NPTX2: variants seen among roughly 807,000 people sequenced by gnomAD.
The protein encoded by NPTX2 is neuronal pentraxin-2.
In NPTX2, 23 loss-of-function variants were observed where a neutral mutation model predicts 38.1. The observed-to-expected ratio is 0.60, with a 90% CI of 0.43 to 0.85. The LOEUF (loss-of-function observed/expected upper bound fraction) is 0.85, where lower values mean the gene tolerates loss of function less well. Ranked by LOEUF, NPTX2 falls within the 40% of genes least tolerant of loss-of-function variation. The pLI, the probability that NPTX2 is intolerant of heterozygous loss-of-function variation, is 0.00. For missense variants in NPTX2, 553 were observed against 615.3 expected (o/e 0.90, Z 1.07); for synonymous variants, 291 against 287.3 (o/e 1.01, Z -0.13).
intron 4 of NPTX2, among the ~76,000 whole-genome samples, 165 bp from the exon 5 acceptor site, chr7:98,628,237 C>T (rs895279008): frequency 1.3e-5 from 2 of 152,158 alleles, no homozygotes. Context: ...AGCGATGCCA[C>T]CTCCCAGTTC....
intron 3 of NPTX2, among the ~76,000 whole-genome samples, chr7:98,626,204 C>A (rs1791347280): frequency 6.6e-6 from 1 of 151,518 alleles, no homozygotes; most frequent in Admixed American, 6.6e-5. Flanking sequence ...CTCTCACAGC[C>A]CTGCTTCCAA....
intron 2 of NPTX2, chr7:98,620,263 C>A: frequency 4.6e-6 from 1 of 216,222 alleles, no homozygotes; most frequent in Non-Finnish European, 9.5e-6. Flanking sequence ...CACTGGGTGG[C>A]TTGGGTTTGA....
chr7:98,629,626 T>G lies in NPTX2; in HGVS notation c.*997T>G, dbSNP rs570646483. ...AAAACAGAGATCATTTGGCTAGAGA[T>G]TGTCTGAGTGACTCCAAGCTACTCA... is the stretch of plus-strand genomic sequence containing the variant. On this transcript the variant is annotated 3_prime_UTR_variant, in exon 5 of 5. Transcript: ENST00000265634. 7.2e-5 allele frequency: 11 copies of G among 152,734 alleles called. No individual in the cohort carries two copies. The East Asian group carries it at 2.1e-3, about 29-fold the overall frequency. 9.5% of individuals were successfully genotyped at this position (152,734 alleles called of 1,614,324 possible). A position where few individuals can be genotyped will look rare whatever the true frequency, so the allele number is the denominator to read the frequency against.
In NPTX2 at chr7:98,628,399, C is replaced by T. The variant is rs750281353; in HGVS notation, c.1069-3C>T. The T allele has an allele frequency of 1.3e-6, 2 of 1,542,838 alleles. No homozygotes were observed. The highest frequency in any genetic ancestry group is 1.8e-6 in the Non-Finnish European group (2 of 1,120,078). The stretch of plus-strand genomic sequence containing the variant: ...ACGCAGCTCTCTTGTTCCCATTCCC[C>T]AGGACACCGTGGGGGGTAGGTTTGA... On this transcript the variant is annotated splice_region_variant and splice_polypyrimidine_tract_variant and intron_variant, in intron 4 of 4. Transcript: ENST00000265634.
chr7:98,628,333 G>C (rs1004925744), intron 4 of NPTX2, 69 bp from the exon 5 acceptor site: 8 of 719,440 alleles, frequency 1.1e-5, no homozygotes, highest in East Asian at 5.4e-5. Flanking sequence ...CAAATCTCCT[G>C]TCTGCAGCCC....
chr7:98,624,269 T>G (rs1791310454), intron 2 of NPTX2, among the ~76,000 whole-genome samples: 1 of 152,182 alleles, frequency 6.6e-6, no homozygotes, highest in African/African-American at 2.4e-5. Context: ...TTTTTTAAAT[T>G]TTTTGTAGAG....
In NPTX2 at chr7:98,619,736, C is replaced by T. The variant is rs1351518964; in HGVS notation, c.520C>T (p.Leu174=). 6.2e-7 allele frequency: 1 copy of T among 1,613,306 alleles called. No homozygotes were observed. The highest frequency in any genetic ancestry group is 8.5e-7 in the Non-Finnish European group (1 of 1,180,028). The part of the protein sequence containing the change: ...QRLGELERQL[L]RKVAELEDEK... ...GCTGGGGGAGCTGGAGAGGCAGCTTCTGCGCAAGGTGGCAGAGCTGGAGGA... is the reference window on the plus strand; with the variant it reads ...GCTGGGGGAGCTGGAGAGGCAGCTTTTGCGCAAGGTGGCAGAGCTGGAGGA... The change falls in exon 2 of 5, where the codon CTG becomes TTG. Residue 174 remains leucine (L), a synonymous_variant. Transcript: ENST00000265634.
At chr7:98,628,103 C>G (rs577272819) in intron 4 of NPTX2, among the ~76,000 whole-genome samples, 57 of 152,226 alleles carry the variant, frequency 3.7e-4, no homozygotes, top group African/African-American at 1.3e-3. Flanking sequence ...TCAATTTCCC[C>G]TGCTACATCT....
chr7:98,627,182 GT>G lies in NPTX2; in HGVS notation c.909del (p.Phe303LeufsTer48). 1 of 1,613,620 alleles carries G rather than the reference GT, an allele frequency of 6.2e-7. No homozygotes were observed. Among genetic ancestry groups the G allele is most frequent in the Non-Finnish European group, 8.5e-7 (1 of 1,179,660 alleles). ...INDKVAQLPL[F>X]VSDGKWHHIC... ...GCTCACAGGTTGCGCAGCTGCCCCT[GT>G]TTGTCAGTGACGGCAAGTGGCACCA... On this transcript the variant is annotated frameshift_variant, in exon 4 of 5. Coordinates refer to ENST00000265634, the MANE Select transcript of NPTX2 (RefSeq NM_002523.3). LOFTEE classifies it high-confidence loss of function.
chr7:98,627,511 CCA>C lies in NPTX2; in HGVS notation c.1068+170_1068+171del, dbSNP rs1791372507. ...CCAGCTGTTGGCCCCTCAGACCTGG[CCA>C]CAGTGTCCTGACAGCCAGGTCGGGG... is the stretch of plus-strand genomic sequence containing the variant. On this transcript the variant is annotated intron_variant, in intron 4 of 4. Coordinates refer to ENST00000265634, the MANE Select transcript of NPTX2 (RefSeq NM_002523.3). 2.6e-5 allele frequency among the ~76,000 whole-genome samples: 4 copies of C among 152,354 alleles called. No homozygotes were observed. The South Asian group carries it at 8.3e-4, about 32-fold the overall frequency.
Position 98,628,597 on chromosome 7 carries a change from G to C in NPTX2, c.1264G>C (p.Glu422Gln), listed in dbSNP as rs1367795676. 1 of 1,586,862 alleles carries C rather than the reference G, an allele frequency of 6.3e-7. No homozygotes were observed. Among genetic ancestry groups the C allele is most frequent in the Admixed American group, 1.7e-5 (1 of 58,564 alleles). The change falls in exon 5 of 5, where the codon GAG becomes CAG. Residue 422 changes from glutamate to glutamine, a missense_variant. Coordinates refer to ENST00000265634, the MANE Select transcript of NPTX2 (RefSeq NM_002523.3). ...CGGAGGGGCCTCCAAGTGGCCCGTG[G>C]AGACGTGTGAGGAGCGTCTCCTTGA... The part of the protein sequence containing the change: ...VFGGASKWPV[E>Q]TCEERLLDL
rs564226562 is a variant in NPTX2 at position 98,619,602 on chromosome 7, A to T, written c.427-41A>T. 222 of 1,541,098 alleles carry T rather than the reference A, an allele frequency of 1.4e-4. No homozygotes were observed. The highest frequency in any genetic ancestry group is 1.9e-4 in the Non-Finnish European group (214 of 1,116,248). ...CAGCCACATTTCACAATTTCTTTTT[A>T]ACTCTTTCTGTGCCCCTCCCTCCTC... On this transcript the variant is annotated intron_variant, in intron 1 of 4. Coordinates refer to ENST00000265634, the MANE Select transcript of NPTX2 (RefSeq NM_002523.3).
At position 98,619,856 on chromosome 7, in the gene NPTX2, C is replaced by G; in HGVS notation, c.640C>G (p.Arg214Gly). The G allele has an allele frequency of 6.2e-7, 1 of 1,613,334 alleles. No individual in the cohort carries two copies. Among genetic ancestry groups the G allele is most frequent in the Non-Finnish European group, 8.5e-7 (1 of 1,179,764 alleles). The change falls in exon 2 of 5, where the codon CGA becomes GGA. Residue 214 changes from arginine (R) to glycine (G), a missense_variant. Coordinates refer to ENST00000265634, the MANE Select transcript of NPTX2 (RefSeq NM_002523.3). ...ALLQRVTELE[R>G]GNSAFKSPDA... ...GCTGCAGAGGGTCACCGAGCTGGAGCGAGGTGTGTGCCTGGCCTGTTTCTC... is the reference window on the plus strand; with the variant it reads ...GCTGCAGAGGGTCACCGAGCTGGAGGGAGGTGTGTGCCTGGCCTGTTTCTC...
chr7:98,627,231 C>T lies in NPTX2; in HGVS notation c.955C>T (p.Arg319Trp), dbSNP rs182840974. The stretch of plus-strand genomic sequence containing the variant: ...CCACATCTGTGTCACCTGGACGACA[C>T]GGGATGGCATGTGGGAGGCATTCCA... ...WHHICVTWTT[R>W]DGMWEAFQDG... Residue 319 changes from arginine (R) to tryptophan (W), a missense_variant, in exon 4 of 5, where the codon CGG (arginine) becomes TGG (tryptophan). Transcript: ENST00000265634. 1.4e-5 allele frequency: 23 copies of T among 1,613,014 alleles called. No individual in the cohort carries two copies. The highest frequency in any genetic ancestry group is 6.7e-5 in the East Asian group (3 of 44,876).
rs774182460 is a variant in NPTX2, at chr7:98,628,614, T to C, written c.1281T>C (p.Arg427=). ...SKWPVETCEE[R]LLDL ...GGCCCGTGGAGACGTGTGAGGAGCG[T>C]CTCCTTGACTTGTAGCCGCCTTCTC... The change falls in exon 5 of 5, where the codon CGT becomes CGC. Residue 427 remains arginine (R), a synonymous_variant. Transcript: ENST00000265634. The C allele has an allele frequency of 1.2e-5, 18 of 1,541,838 alleles. No homozygotes were observed. The highest frequency in any genetic ancestry group is 9.7e-6 in the Non-Finnish European group (11 of 1,132,092).
At chr7:98,619,042 A>T (rs1196063533) in intron 1 of NPTX2, among the ~76,000 whole-genome samples, 1 of 152,198 alleles carries the variant, frequency 6.6e-6, no homozygotes, top group Non-Finnish European at 1.5e-5. Context: ...CCATGAACTC[A>T]TGGGTAGGCA....
chr7:98,627,516 G>A (rs543572152), intron 4 of NPTX2, among the ~76,000 whole-genome samples, 172 bp downstream of exon 4: 2 of 152,230 alleles, frequency 1.3e-5, no homozygotes. Context: ...CCTGGCCACA[G>A]TGTCCTGACA....
In NPTX2 at chr7:98,628,501, A is replaced by C. The variant is rs752637896; in HGVS notation, c.1168A>C (p.Asn390His). Residue 390 changes from asparagine to histidine, a missense_variant, in exon 5 of 5, where the codon AAC becomes CAC. By Grantham distance (68) the Asn-to-His change is moderately conservative (BLOSUM62 1). Transcript: ENST00000265634. ...CGTCCTTCGCGCACAAGAAATTGTC[A>C]ACATCGCCAACTGCTCCACAAACAT... ...DRVLRAQEIVNIANCSTNMPG... is the reference protein window; with the variant it reads ...DRVLRAQEIVHIANCSTNMPG... 1 of 1,610,920 alleles carries C rather than the reference A, an allele frequency of 6.2e-7. No homozygotes were observed. Among genetic ancestry groups the C allele is most frequent in the Non-Finnish European group, 8.5e-7 (1 of 1,177,662 alleles).
At chr7:98,626,146 CAAAAAAAAAAAAAA>C (rs561364197) in intron 3 of NPTX2, among the ~76,000 whole-genome samples, 1 of 71,430 alleles carries the variant, frequency 1.4e-5, no homozygotes, top group Admixed American at 1.4e-4. Flanking sequence ...TACCCTGTCT[CAAAAAAAAAAAAAA>C]AAAAAAAAAG....
Sources: allele counts gnomAD v4.1 joint callset (sites outside exome capture counted in the v4.1 genomes callset), GRCh38; gene constraint gnomAD v4.1.1; transcripts MANE v1.5; gene names NCBI Gene and HGNC (gene_info 2026-07-23, HGNC 2026-07-21).